Variants in SGCD observed in about 807,000 individuals in gnomAD.
SGCD encodes delta-sarcoglycan.
Under a neutral mutation model 36.6 loss-of-function variants are expected in SGCD, and 18 were observed. The ratio of observed to expected loss-of-function variants is 0.49; its 90% CI spans 0.34 to 0.73. The LOEUF (loss-of-function observed/expected upper bound fraction) is 0.73. SGCD is among the 30% of genes least tolerant of loss of function. The pLI, the probability that SGCD is intolerant of heterozygous loss-of-function variation, is 0.01. For missense variants in SGCD, 387 were observed against 346.7 expected, an observed-to-expected ratio of 1.12 and a Z score of -0.92; for synonymous variants, 133 against 130.6, an observed-to-expected ratio of 1.02 and a Z score of -0.12.
At chr5:155,917,424 A>G (rs1756772892) in intron 1 of SGCD, among the ~76,000 whole-genome samples, 1 of 152,196 alleles carries the variant, frequency 6.6e-6, no homozygotes, top group Non-Finnish European at 1.5e-5. Context: ...GGCCTGTAGT[A>G]AGTAATTGAA....
intron 6 of SGCD, among the ~76,000 whole-genome samples, chr5:156,641,615 A>C (rs956534991): frequency 2.6e-5 from 4 of 152,190 alleles, no homozygotes; most frequent in African/African-American, 9.6e-5. Flanking sequence ...ATTGTGACTT[A>C]AATATCAAAT....
intron 1 of SGCD, among the ~76,000 whole-genome samples, chr5:155,888,084 A>G (rs1429866580): frequency 3.3e-5 from 5 of 152,326 alleles, no homozygotes; most frequent in East Asian, 3.9e-4. Context: ...AGATTCTGCA[A>G]CCAAATTCAG....
rs534300945 is a variant in SGCD at position 156,351,600 on chromosome 5, G to A, written c.192+6923G>A. Among the ~76,000 whole-genome samples, 301 of 120,940 alleles carry A rather than the reference G, an allele frequency of 2.5e-3. 2 individuals are homozygous for A. Among genetic ancestry groups the A allele is most frequent in the Non-Finnish European group, 3.2e-3 (186 of 58,498 alleles). 79.3% of individuals were successfully genotyped at this position (120,940 alleles called of 152,430 possible). ...CTTTATAGAAGTGTTTGCTATCGTC[G>A]TAGTCATCATCATCATCATCATCAT... On this transcript the variant is annotated intron_variant, in intron 3 of 8. Coordinates refer to ENST00000337851, the MANE Select transcript of SGCD (RefSeq NM_000337.6).
chr5:156,622,381 C>G (rs989991353), intron 6 of SGCD, among the ~76,000 whole-genome samples: 1 of 150,406 alleles, frequency 6.6e-6, no homozygotes, highest in Non-Finnish European at 1.5e-5. Flanking sequence ...TGCAGTGAGC[C>G]GAGATGGCAC....
chr5:156,140,433 T>G (rs1762552901), intron 3 of SGCD, among the ~76,000 whole-genome samples: 1 of 152,108 alleles, frequency 6.6e-6, no homozygotes, highest in Non-Finnish European at 1.5e-5. Context: ...ACCAGTTTGA[T>G]GAGGTCGTAG....
intron 3 of SGCD, among the ~76,000 whole-genome samples, chr5:156,191,564 T>C (rs1224074167): frequency 6.6e-6 from 1 of 152,144 alleles, no homozygotes; most frequent in East Asian, 1.9e-4. Flanking sequence ...GTTCTTTCTT[T>C]GTTGCTAGGG....
chr5:156,425,919 C>T (rs1025841947), intron 3 of SGCD, among the ~76,000 whole-genome samples: 1 of 151,990 alleles, frequency 6.6e-6, no homozygotes, highest in African/African-American at 2.4e-5. Flanking sequence ...AGTAGTATTC[C>T]ACAGTACATA....
chr5:155,853,756 A>G, the SGCD span, among the ~76,000 whole-genome samples: 2 of 152,196 alleles, frequency 1.3e-5, no homozygotes, highest in African/African-American at 4.8e-5. Context: ...TGCTTAAAAT[A>G]ATTTCAAAAT....
intron 1 of SGCD, among the ~76,000 whole-genome samples, chr5:155,903,478 A>T (rs1278673955): frequency 6.6e-6 from 1 of 152,152 alleles, no homozygotes; most frequent in Non-Finnish European, 1.5e-5. Flanking sequence ...GGTAAACTCC[A>T]TTGGTTCAGC....
chr5:156,724,271 A>G (rs1285544393), intron 7 of SGCD, among the ~76,000 whole-genome samples: 1 of 152,180 alleles, frequency 6.6e-6, no homozygotes, highest in African/African-American at 2.4e-5. Flanking sequence ...AGTTACTGTT[A>G]TGTAACCAAT....
At chr5:156,675,971 C>T (rs563701204) in intron 7 of SGCD, among the ~76,000 whole-genome samples, 16 of 152,262 alleles carry the variant, frequency 1.1e-4, no homozygotes, top group Non-Finnish European at 1.8e-4. Context: ...TGTCTGGCTA[C>T]GTTTTATTCC....
the SGCD span, among the ~76,000 whole-genome samples, chr5:155,827,566 A>G: frequency 6.6e-6 from 1 of 151,712 alleles, no homozygotes; most frequent in African/African-American, 2.4e-5. Flanking sequence ...AGACTGTTTC[A>G]TTTAAAATCT....
intron 6 of SGCD, among the ~76,000 whole-genome samples, chr5:156,639,371 C>A (rs1284120234): frequency 2.0e-5 from 3 of 152,154 alleles, no homozygotes; most frequent in Admixed American, 2.0e-4. Context: ...TCACATGTGT[C>A]AAAATTCCCA....
chr5:156,715,562 T>C (rs17561376), intron 7 of SGCD, among the ~76,000 whole-genome samples: 12,350 of 152,320 alleles, frequency 0.081, 680 homozygotes, highest in Non-Finnish European at 0.12. Flanking sequence ...TTGGAGCTGC[T>C]ATGAGTTTCT....
At chr5:156,159,670 T>C (rs892469348) in intron 3 of SGCD, among the ~76,000 whole-genome samples, 2 of 151,698 alleles carry the variant, frequency 1.3e-5, no homozygotes, top group African/African-American at 4.9e-5. Flanking sequence ...TCATGAAATA[T>C]AGAAAAGTAT....
At chr5:155,900,245 A>G (rs72805670) in intron 1 of SGCD, among the ~76,000 whole-genome samples, 20,455 of 152,154 alleles carry the variant, frequency 0.13, 1,893 homozygotes, top group African/African-American at 0.27. Context: ...AAACTTTTCT[A>G]CAAGTTTCTT....
At chr5:156,408,617 C>T (rs1238550639) in intron 3 of SGCD, among the ~76,000 whole-genome samples, 1 of 152,196 alleles carries the variant, frequency 6.6e-6, no homozygotes, top group East Asian at 1.9e-4. Context: ...CCTCCACCTC[C>T]CAAAGTGCTG....
chr5:155,783,511 C>G, the SGCD span, among the ~76,000 whole-genome samples: 1 of 151,878 alleles, frequency 6.6e-6, no homozygotes, highest in Non-Finnish European at 1.5e-5. Context: ...ATTCCCATAT[C>G]CTTAAGAGTG....
intron 5 of SGCD, among the ~76,000 whole-genome samples, chr5:156,590,154 T>G (rs1028645834): frequency 1.3e-5 from 2 of 152,194 alleles, no homozygotes; most frequent in Non-Finnish European, 2.9e-5. Context: ...AGTATACGGA[T>G]GGACATTTTG....
Sources: gnomAD v4.1 joint callset for allele counts (sites outside exome capture counted in the v4.1 genomes callset) on GRCh38, gnomAD v4.1.1 for gene constraint, MANE v1.5 for transcripts, NCBI Gene and HGNC (gene_info 2026-07-23, HGNC 2026-07-21) for gene names.